MREG: variants seen among roughly 807,000 people sequenced by gnomAD.
The protein encoded by MREG is melanoregulin, also known as dilute suppressor protein homolog.
A neutral mutation model predicts 28.5 loss-of-function variants in MREG; 31 were observed. The observed-to-expected ratio is 1.09, with a 90% confidence interval of 0.82 to 1.47. The LOEUF is 1.47. MREG is among the 40% of genes most tolerant of loss of function. MREG has a pLI of 0.00. For missense variants in MREG, 256 were observed against 257.4 expected (o/e 0.99, Z 0.04); for synonymous variants, 106 against 95.2 (o/e 1.11, Z -0.66).
intron 2 of MREG, among the ~76,000 whole-genome samples, chr2:215,965,012 T>G (rs1194715970): frequency 6.6e-6 from 1 of 152,246 alleles, no homozygotes; most frequent in African/African-American, 2.4e-5. Context: ...TCCACAATGC[T>G]CACATACTTC....
chr2:216,015,405 G>A (rs1421113769), upstream of MREG, among the ~76,000 whole-genome samples: 2 of 152,114 alleles, frequency 1.3e-5, no homozygotes, highest in African/African-American at 4.8e-5. Flanking sequence ...ACCTGTGGGA[G>A]AATATGGACT....
At chr2:216,015,897 T>C (rs540241507), upstream of MREG, among the ~76,000 whole-genome samples, 12 of 152,252 alleles carry the variant, frequency 7.9e-5, no homozygotes, top group East Asian at 2.3e-3. Context: ...GGAGCCGGTT[T>C]GGAGGGTGAG....
At position 216,013,239 on chromosome 2, in the gene MREG, A is replaced by G; in HGVS notation, c.89T>C (p.Leu30Pro). 6.5e-7 allele frequency: 1 copy of G among 1,549,200 alleles called. No homozygotes were observed. The change falls in exon 1 of 5, where the codon CTC becomes CCC. Residue 30 changes from leucine (L) to proline (P), a missense_variant. Transcript: ENST00000263268. ...GCCCGGGCGGCGCACCCACCTGACG[A>G]GGGGCTCCTTCTCAGGCAGGGCGCG... The part of the protein sequence containing the change: ...EERALPEKEP[L>P]VSDNNPYSSF...
At chr2:215,941,407 CATA>C (rs1406550100), downstream of MREG, among the ~76,000 whole-genome samples, 1 of 152,174 alleles carries the variant, frequency 6.6e-6, no homozygotes, top group Non-Finnish European at 1.5e-5. Context: ...ACCTGAATCC[CATA>C]TGCCCCTCAC....
At chr2:215,980,704 C>A (rs563191077) in intron 2 of MREG, among the ~76,000 whole-genome samples, 2 of 152,102 alleles carry the variant, frequency 1.3e-5, no homozygotes, top group African/African-American at 4.8e-5. Flanking sequence ...CCAAGGTACT[C>A]GGGAGGCTGA....
In MREG at chr2:215,947,162, CTCTA is replaced by C. The variant is rs759739296; in HGVS notation, c.256-53_256-50del. 1.5e-5 allele frequency: 18 copies of C among 1,218,264 alleles called. 2 individuals are homozygous for C. In the South Asian group the frequency reaches 2.4e-4, roughly 16 times the overall value. The allele number at this position is 1,218,264 out of a possible 1,614,324, so 75.5% of individuals were successfully genotyped here. A position where few individuals can be genotyped will look rare whatever the true frequency, so the allele number is the denominator to read the frequency against. On this transcript the variant is annotated intron_variant, in intron 2 of 4. Transcript: ENST00000263268. ...TTTATTTATACCCCTTGGCTTAAAC[CTCTA>C]TCTCATTCCCAAACTTCATGTTGCC...
At chr2:215,951,039 C>T (rs532814460) in intron 2 of MREG, among the ~76,000 whole-genome samples, 17 of 152,150 alleles carry the variant, frequency 1.1e-4, no homozygotes, top group Admixed American at 2.0e-4. Context: ...CTCCTGCCAC[C>T]GTGTGAAGAA....
At chr2:216,000,867 G>A (rs970495882) in intron 1 of MREG, among the ~76,000 whole-genome samples, 2 of 152,144 alleles carry the variant, frequency 1.3e-5, no homozygotes, top group East Asian at 1.9e-4. Context: ...TAAAAATAAC[G>A]TTAGACCATG....
intron 2 of MREG, among the ~76,000 whole-genome samples, chr2:215,982,489 G>T (rs1452109769): frequency 6.6e-6 from 1 of 152,072 alleles, no homozygotes; most frequent in Non-Finnish European, 1.5e-5. Flanking sequence ...ATAATCCATG[G>T]GTTTTAGTAA....
rs144940941 is a variant in MREG, at chr2:215,975,466, A to C, written c.255+20840T>G. On this transcript the variant is annotated intron_variant, in intron 2 of 4. Coordinates refer to ENST00000263268, the MANE Select transcript of MREG (RefSeq NM_018000.3). ...TTAATTTAGTTGCAATATGTAGGCT[A>C]TTCTACCTTAAAAAGAGCTAGTCAG... Among the ~76,000 whole-genome samples, 1,161 of 152,310 alleles carry C rather than the reference A, an allele frequency of 7.6e-3. 23 individuals carry two copies. Among genetic ancestry groups the C allele is most frequent in the African/African-American group, 0.026 (1,093 of 41,562 alleles).
intron 1 of MREG, among the ~76,000 whole-genome samples, chr2:215,999,759 G>A (rs1208952212): frequency 6.6e-6 from 1 of 152,194 alleles, no homozygotes; most frequent in Non-Finnish European, 1.5e-5. Context: ...AGGTACCAGC[G>A]AAGGTGACGC....
intron 1 of MREG, among the ~76,000 whole-genome samples, chr2:216,025,003 G>T (rs1694575102): frequency 4.0e-5 from 6 of 151,570 alleles, no homozygotes; most frequent in Admixed American, 2.0e-4. Context: ...AAAGGAAAAG[G>T]AAAGGAAAGG....
At chr2:215,948,940 C>T (rs1159570585) in intron 2 of MREG, among the ~76,000 whole-genome samples, 1 of 152,040 alleles carries the variant, frequency 6.6e-6, no homozygotes, top group Non-Finnish European at 1.5e-5. Context: ...CGCTGGCTCA[C>T]ACCTCTAATC....
At chr2:215,958,172 G>T (rs1054082345) in intron 2 of MREG, among the ~76,000 whole-genome samples, 4 of 150,746 alleles carry the variant, frequency 2.7e-5, no homozygotes, top group African/African-American at 9.8e-5. Context: ...CAAGTTAATG[G>T]GTGCAGCACA....
chr2:216,012,886 T>C (rs1035811492), intron 1 of MREG, among the ~76,000 whole-genome samples: 1 of 152,174 alleles, frequency 6.6e-6, no homozygotes, highest in African/African-American at 2.4e-5. Context: ...AATATACCGA[T>C]CAAATACCCA....
chr2:215,984,832 G>A (rs1324919053), intron 2 of MREG, among the ~76,000 whole-genome samples: 1 of 152,204 alleles, frequency 6.6e-6, no homozygotes, highest in Non-Finnish European at 1.5e-5. Context: ...AAATGTAGCT[G>A]TCATCCCACT....
At chr2:216,026,887 A>G (rs1320019187) in intron 1 of MREG, among the ~76,000 whole-genome samples, 1 of 152,234 alleles carries the variant, frequency 6.6e-6, no homozygotes, top group Admixed American at 6.5e-5. Context: ...CAAATCAGGT[A>G]AAACTATCTG....
intron 2 of MREG, among the ~76,000 whole-genome samples, chr2:215,969,192 T>C (rs1010921424): frequency 1.3e-5 from 2 of 152,210 alleles, no homozygotes; most frequent in African/African-American, 4.8e-5. Flanking sequence ...CTGCCTAAGA[T>C]GGAGAAATCT....
At chr2:216,030,312 C>A (rs1473681049) in intron 1 of MREG, among the ~76,000 whole-genome samples, 2 of 152,160 alleles carry the variant, frequency 1.3e-5, no homozygotes, top group Non-Finnish European at 2.9e-5. Flanking sequence ...GGGGTCGGGG[C>A]TCTGAAGCCA....
Sources: gnomAD v4.1 joint callset for allele counts (sites outside exome capture counted in the v4.1 genomes callset) on GRCh38, gnomAD v4.1.1 for gene constraint, MANE v1.5 for transcripts, NCBI Gene and HGNC (gene_info 2026-07-23, HGNC 2026-07-21) for gene names.